The following ARHGAP24 variants were observed in gnomAD, a reference collection of about 807,000 sequenced individuals.
The protein encoded by ARHGAP24 is rho GTPase-activating protein 24.
ARHGAP24 carries 50 observed loss-of-function variants against 76.4 expected under a neutral mutation model. The observed-to-expected ratio is 0.65, with a 90% CI of 0.52 to 0.83. The LOEUF is 0.83. Ranked by LOEUF, ARHGAP24 falls within the 40% of genes least tolerant of loss-of-function variation. The probability of loss-of-function intolerance (pLI) is 0.00; values close to 1 mark genes in which losing one functional copy is unlikely to be tolerated. For synonymous variants in ARHGAP24, 345 were observed against 323.3 expected (o/e 1.07, Z -0.72); for missense variants, 930 against 914.2 (o/e 1.02, Z -0.22).
chr4:85,659,915 T>A (rs1396844044), intron 2 of ARHGAP24, among the ~76,000 whole-genome samples: 1 of 152,142 alleles, frequency 6.6e-6, no homozygotes, highest in African/African-American at 2.4e-5. Context: ...TCTAAAAAAA[T>A]AATAGGTTTC....
chr4:85,947,985 G>GA (rs1737391502), intron 5 of ARHGAP24, among the ~76,000 whole-genome samples: 1 of 152,014 alleles, frequency 6.6e-6, no homozygotes, highest in South Asian at 2.1e-4. Context: ...TACTCTGAGA[G>GA]AAAAAAATAT....
At chr4:85,822,280 TGG>T (rs1401802741) in intron 3 of ARHGAP24, among the ~76,000 whole-genome samples, 3 of 124,632 alleles carry the variant, frequency 2.4e-5, no homozygotes, top group East Asian at 5.5e-4. Flanking sequence ...ATGAGTTTTT[TGG>T]TTTGTTGAAA....
intron 2 of ARHGAP24, among the ~76,000 whole-genome samples, chr4:85,703,921 C>G (rs544899943): frequency 7.2e-5 from 11 of 152,266 alleles, no homozygotes; most frequent in African/African-American, 2.6e-4. Context: ...CCCAATGCCC[C>G]TTTGCAGTCA....
chr4:85,859,247 T>G (rs1439458530), intron 3 of ARHGAP24, among the ~76,000 whole-genome samples: 1 of 116,278 alleles, frequency 8.6e-6, no homozygotes, highest in East Asian at 2.5e-4. Context: ...ACACACAAGA[T>G]GTGCTTGGGC....
intron 3 of ARHGAP24, among the ~76,000 whole-genome samples, chr4:85,862,708 C>G (rs902925342): frequency 6.6e-6 from 1 of 152,108 alleles, no homozygotes; most frequent in Non-Finnish European, 1.5e-5. Flanking sequence ...TATGTGCACT[C>G]GCACTACCAG....
chr4:85,610,102 T>C (rs1396049585), intron 2 of ARHGAP24, among the ~76,000 whole-genome samples: 1 of 152,144 alleles, frequency 6.6e-6, no homozygotes, highest in Non-Finnish European at 1.5e-5. Context: ...CAACTTCTTA[T>C]TGCTCAGGTC....
intron 2 of ARHGAP24, among the ~76,000 whole-genome samples, chr4:85,702,183 A>G (rs1430593895): frequency 6.6e-6 from 1 of 152,214 alleles, no homozygotes; most frequent in African/African-American, 2.4e-5. Flanking sequence ...TGACTCTAGC[A>G]TATGTAAATA....
At position 85,995,630 on chromosome 4, in the gene ARHGAP24, A is replaced by G; in HGVS notation, c.1976A>G (p.Lys659Arg). 1 of 1,613,994 alleles carries G rather than the reference A, an allele frequency of 6.2e-7. No individual in the cohort carries two copies. Among genetic ancestry groups the G allele is most frequent in the Non-Finnish European group, 8.5e-7 (1 of 1,179,986 alleles). ...CTGAAACAGGAAATGACCAAACAGA[A>G]GATAGAGTATGAGTCCAGGATAAAG... ...SSLKQEMTKQ[K>R]IEYESRIKSL... is the part of the protein sequence containing the mutation. The change falls in exon 9 of 10, where the codon AAG becomes AGG. Residue 659 changes from lysine to arginine, a missense_variant. Transcript: ENST00000395184.
Position 85,947,630 on chromosome 4 carries a change from C to T in ARHGAP24, c.599+5357C>T, listed in dbSNP as rs143091915. On this transcript the variant is annotated intron_variant, in intron 5 of 9. Coordinates refer to ENST00000395184, the MANE Select transcript of ARHGAP24 (RefSeq NM_001025616.3). ...GATAGACACATGGTGAGTATGCAAA[C>T]GGTCGTAGTCTTTTTAAAGCAATTT... is the stretch of plus-strand genomic sequence containing the variant. Among the ~76,000 whole-genome samples the T allele has an allele frequency of 1.2e-3, 187 of 152,222 alleles. 1 individual carries two copies. Among genetic ancestry groups the T allele is most frequent in the African/African-American group, 3.2e-3 (131 of 41,558 alleles).
intron 3 of ARHGAP24, among the ~76,000 whole-genome samples, chr4:85,900,211 A>T (rs1290810091): frequency 6.6e-6 from 1 of 152,234 alleles, no homozygotes; most frequent in Non-Finnish European, 1.5e-5. Context: ...ATTATTATCA[A>T]CATCAATATT....
chr4:85,826,506 C>G (rs190972094), intron 3 of ARHGAP24, among the ~76,000 whole-genome samples: 1 of 152,282 alleles, frequency 6.6e-6, no homozygotes, highest in Middle Eastern at 3.4e-3. Flanking sequence ...AATAAAATCT[C>G]GAACTCTATT....
intron 3 of ARHGAP24, among the ~76,000 whole-genome samples, chr4:85,743,875 AC>A (rs1342103872): frequency 3.3e-5 from 5 of 152,154 alleles, no homozygotes; most frequent in Non-Finnish European, 4.4e-5. Context: ...ATTAGCAACT[AC>A]TAAGTTGTAG....
At chr4:85,566,645 A>G (rs57486027) in intron 1 of ARHGAP24, among the ~76,000 whole-genome samples, 3,435 of 152,312 alleles carry the variant, frequency 0.023, 142 homozygotes, top group African/African-American at 0.078. Flanking sequence ...GTACCAGGTA[A>G]GCACTATTAA....
chr4:85,924,925 G>T (rs1298752477), intron 4 of ARHGAP24, among the ~76,000 whole-genome samples: 4 of 152,102 alleles, frequency 2.6e-5, no homozygotes, highest in Admixed American at 6.5e-5. Context: ...TTTGTCCCAG[G>T]CTAATTACTG....
chr4:85,916,194 T>TA (rs1735376675), intron 3 of ARHGAP24, among the ~76,000 whole-genome samples: 1 of 152,228 alleles, frequency 6.6e-6, no homozygotes, highest in African/African-American at 2.4e-5. Flanking sequence ...TTTTCATGTT[T>TA]GTTGGCCGCA....
At chr4:85,856,116 A>C (rs967038880) in intron 3 of ARHGAP24, among the ~76,000 whole-genome samples, 1 of 152,146 alleles carries the variant, frequency 6.6e-6, no homozygotes, top group Non-Finnish European at 1.5e-5. Context: ...TCTTGCCATC[A>C]TTTGATATTA....
At chr4:85,531,371 A>G (rs1054879585) in intron 1 of ARHGAP24, among the ~76,000 whole-genome samples, 4 of 152,072 alleles carry the variant, frequency 2.6e-5, no homozygotes, top group African/African-American at 9.7e-5. Context: ...TGAGCAATAT[A>G]GAAAAATGTT....
rs78816400 is a variant in ARHGAP24, at chr4:85,605,718, A to C, written c.180+34997A>C. 1.6e-3 allele frequency among the ~76,000 whole-genome samples: 240 copies of C among 152,336 alleles called. 7 individuals carry two copies. Among genetic ancestry groups the C allele is most frequent in the East Asian group, 0.012 (61 of 5,184 alleles). ...GTGTATCGTGGAAATGAAGATATACAGGGGAATGTTTATAGATTTTTTCTG... is the reference window on the plus strand; with the variant it reads ...GTGTATCGTGGAAATGAAGATATACCGGGGAATGTTTATAGATTTTTTCTG... On this transcript the variant is annotated intron_variant, in intron 2 of 9. Transcript: ENST00000395184.
chr4:85,761,182 TG>T (rs1230757893), intron 3 of ARHGAP24, among the ~76,000 whole-genome samples: 1 of 152,188 alleles, frequency 6.6e-6, no homozygotes, highest in Non-Finnish European at 1.5e-5. Context: ...ACAAACACCT[TG>T]GAGATAGCTG....
Sources: allele counts gnomAD v4.1 joint callset (sites outside exome capture counted in the v4.1 genomes callset), GRCh38; gene constraint gnomAD v4.1.1; transcripts MANE v1.5; gene names NCBI Gene and HGNC (gene_info 2026-07-23, HGNC 2026-07-21).